SHLD2: variants seen among roughly 807,000 people sequenced by gnomAD.
SHLD2 encodes shieldin complex subunit 2.
Under a neutral mutation model 73.2 loss-of-function variants are expected in SHLD2, and 30 were observed. The ratio of observed to expected loss-of-function variants is 0.41; its 90% confidence interval spans 0.31 to 0.56. The LOEUF (loss-of-function observed/expected upper bound fraction) is 0.56. Ranked by LOEUF, SHLD2 falls within the 20% of genes least tolerant of loss-of-function variation. The pLI is 0.28. For synonymous variants in SHLD2, 285 were observed against 370.1 expected (o/e 0.77, Z 2.64); for missense variants, 745 against 1,055.9 (o/e 0.71, Z 4.08).
intron 2 of SHLD2, among the ~76,000 whole-genome samples, chr10:87,130,359 G>A (rs1844340469): frequency 6.9e-6 from 1 of 145,110 alleles, no homozygotes; most frequent in Admixed American, 7.2e-5. Flanking sequence ...GAGGGAAGTA[G>A]GGCAGTGAGG....
chr10:87,153,333 G>A (rs1846149159), intron 3 of SHLD2, among the ~76,000 whole-genome samples: 1 of 152,206 alleles, frequency 6.6e-6, no homozygotes, highest in Non-Finnish European at 1.5e-5. Flanking sequence ...TTGAGCCCAG[G>A]AGGTTGAGGC....
chr10:87,148,558 TG>T (rs1261224967), intron 2 of SHLD2, among the ~76,000 whole-genome samples: 2 of 112,584 alleles, frequency 1.8e-5, no homozygotes, highest in South Asian at 2.6e-4. Context: ...AACAAGTTTG[TG>T]GGGGGGCGGG....
Position 87,187,145 on chromosome 10 carries a change from G to T in SHLD2, c.2460G>T (p.Lys820Asn). Residue 820 changes from lysine (K) to asparagine (N), a missense_variant, in exon 9 of 10, where the codon AAG becomes AAT. Around this residue, in one of 5 missense-constraint regions of SHLD2, gnomAD observed 418 missense variants for 567.8 expected, o/e 0.74. Coordinates refer to ENST00000298786, the MANE Select transcript of SHLD2 (RefSeq NM_001330112.2). ...RHDVCIRVES[K>N]LIEKILLNIS... The stretch of plus-strand genomic sequence containing the variant: ...ATGTTTGTATCCGTGTAGAATCAAA[G>T]CTGATAGAGAAGATTCTTCTCAACA... 6.2e-7 allele frequency: 1 copy of T among 1,613,476 alleles called. No individual in the cohort carries two copies. Among genetic ancestry groups the T allele is most frequent in the Non-Finnish European group, 8.5e-7 (1 of 1,179,492 alleles).
chr10:87,096,149 G>C lies in SHLD2; in HGVS notation c.-61-785G>C, dbSNP rs371143681. On this transcript the variant is annotated intron_variant, in intron 1 of 9. Transcript: ENST00000298786. ...TCCACCTCCCTGGGTTCGTTCTAGC[G>C]ATTCTCCTGCCTCAGCCTCGGGGTA... Among the ~76,000 whole-genome samples the C allele has an allele frequency of 2.6e-4, 38 of 145,188 alleles. No individual in the cohort carries two copies. The East Asian group carries it at 7.2e-3, about 28-fold the overall frequency.
At chr10:87,107,049 G>A (rs1281622341) in intron 2 of SHLD2, among the ~76,000 whole-genome samples, 1 of 136,098 alleles carries the variant, frequency 7.3e-6, no homozygotes. Flanking sequence ...GAAGCACAGA[G>A]AGACTATTTT....
At chr10:87,107,107 A>AAAAAAAAAAAG (rs56386341) in intron 2 of SHLD2, among the ~76,000 whole-genome samples, 9 of 146,498 alleles carry the variant, frequency 6.1e-5, no homozygotes, top group Admixed American at 1.4e-4. Context: ...AAAAAAAAAA[A>AAAAAAAAAAAG]AGAGATTTAA....
At chr10:87,112,301 CAAATAAACACATG>C (rs1290706074) in intron 2 of SHLD2, among the ~76,000 whole-genome samples, 2 of 149,706 alleles carry the variant, frequency 1.3e-5, no homozygotes, top group South Asian at 2.1e-4. Context: ...TGCAAATGGC[CAAATAAACACATG>C]AAATAAACAC....
intron 2 of SHLD2, among the ~76,000 whole-genome samples, chr10:87,135,149 T>A (rs1844712642): frequency 6.6e-6 from 1 of 151,906 alleles, no homozygotes; most frequent in Admixed American, 6.5e-5. Context: ...TTAATTTATT[T>A]TTTTTTTAGT....
chr10:87,097,960 C>T (rs1262219362), intron 2 of SHLD2, among the ~76,000 whole-genome samples: 3 of 151,906 alleles, frequency 2.0e-5, no homozygotes. Context: ...CGAAGTTCCA[C>T]AGTGTTGGCC....
chr10:87,109,862 C>T (rs1235963944), intron 2 of SHLD2, among the ~76,000 whole-genome samples: 1 of 152,068 alleles, frequency 6.6e-6, no homozygotes, highest in Non-Finnish European at 1.5e-5. Flanking sequence ...GCTGTCTTGG[C>T]CGGGTGCAGT....
At chr10:87,094,555 C>T (rs775641185), upstream of SHLD2, 2 of 1,612,254 alleles carry the variant, frequency 1.2e-6, no homozygotes, top group Non-Finnish European at 1.7e-6. This position sits in a 1 kb window ranked among gnomAD's most constrained non-coding sequence, Gnocchi z 6.6. Context: ...ATCGAAGAAG[C>T]CCTCCACCAT....
chr10:87,155,091 C>T (rs1297662798), intron 3 of SHLD2, among the ~76,000 whole-genome samples: 11 of 152,098 alleles, frequency 7.2e-5, no homozygotes, highest in Non-Finnish European at 2.9e-5. Context: ...CCTGCCACCG[C>T]GCGCGGCTAA....
intron 2 of SHLD2, among the ~76,000 whole-genome samples, chr10:87,128,029 G>A (rs1844159502): frequency 6.6e-6 from 1 of 152,090 alleles, no homozygotes; most frequent in Non-Finnish European, 1.5e-5. Flanking sequence ...GAAATCCTCA[G>A]TACCTTATTT....
intron 2 of SHLD2, among the ~76,000 whole-genome samples, chr10:87,134,510 A>G (rs2134177573): frequency 6.6e-6 from 1 of 152,300 alleles, no homozygotes; most frequent in African/African-American, 2.4e-5. Context: ...ACCAAAGAGC[A>G]AGTATGCACC....
intron 4 of SHLD2, among the ~76,000 whole-genome samples, chr10:87,167,051 G>T (rs1847254696): frequency 6.6e-6 from 1 of 151,980 alleles, no homozygotes; most frequent in African/African-American, 2.4e-5. Context: ...GAATAGAAGG[G>T]GAAGGAATGT....
intron 8 of SHLD2, among the ~76,000 whole-genome samples, chr10:87,186,282 C>T (rs1437099506): frequency 2.0e-4 from 31 of 152,100 alleles, no homozygotes; most frequent in Non-Finnish European, 3.7e-4. Context: ...TAAATTCCCC[C>T]GCTAATGAGC....
chr10:87,112,787 T>C (rs1260099306), intron 2 of SHLD2, among the ~76,000 whole-genome samples: 1 of 150,778 alleles, frequency 6.6e-6, no homozygotes, highest in Non-Finnish European at 1.5e-5. Context: ...GGAACCCTTA[T>C]AGGGTTCCTT....
Position 87,152,756 on chromosome 10 carries a change from A to G in SHLD2, c.1402A>G (p.Lys468Glu), listed in dbSNP as rs1846106215. The change falls in exon 3 of 10, where the codon AAA becomes GAA. Residue 468 changes from lysine to glutamate, a missense_variant. Coordinates refer to ENST00000298786, the MANE Select transcript of SHLD2 (RefSeq NM_001330112.2). ...AAAATTCGGACCAAATTCTGGCTCT[A>G]AAGTGCCTTTAGCAACAGTTACAGT... ...NIKFGPNSGSKVPLATVTVID... is the reference protein window; with the variant it reads ...NIKFGPNSGSEVPLATVTVID... 4.3e-6 allele frequency: 7 copies of G among 1,611,862 alleles called. No individual in the cohort carries two copies. Among genetic ancestry groups the G allele is most frequent in the Non-Finnish European group, 5.9e-6 (7 of 1,179,852 alleles).
In SHLD2 at chr10:87,152,739, G is replaced by T. The variant is rs750826338; in HGVS notation, c.1385G>T (p.Gly462Val). 1 of 1,611,792 alleles carries T rather than the reference G, an allele frequency of 6.2e-7. No homozygotes were observed. Among genetic ancestry groups the T allele is most frequent in the Non-Finnish European group, 8.5e-7 (1 of 1,179,858 alleles). ...GTGAAGGAAATAAACATAAAATTCG[G>T]ACCAAATTCTGGCTCTAAAGTGCCT... Reference protein sequence around the residue: ...CHVKEINIKFGPNSGSKVPLA... With the variant: ...CHVKEINIKFVPNSGSKVPLA... The change falls in exon 3 of 10, where the codon GGA (glycine) becomes GTA (valine). Residue 462 changes from glycine to valine, a missense_variant. Coordinates refer to ENST00000298786, the MANE Select transcript of SHLD2 (RefSeq NM_001330112.2).
Sources: allele counts gnomAD v4.1 joint callset (sites outside exome capture counted in the v4.1 genomes callset), GRCh38; gene constraint gnomAD v4.1.1; regional missense constraint gnomAD v4.1.1; non-coding constraint Gnocchi (gnomAD v3.1); transcripts MANE v1.5; gene names NCBI Gene and HGNC (gene_info 2026-07-23, HGNC 2026-07-21).